The following COL4A6 variants were observed in gnomAD, a reference collection of about 807,000 sequenced individuals.
COL4A6 encodes collagen alpha-6(IV) chain.
In COL4A6, 59 loss-of-function variants were observed where a neutral mutation model predicts 126.7. The ratio of observed to expected loss-of-function variants is 0.47; its 90% confidence interval spans 0.38 to 0.58. COL4A6 has a LOEUF of 0.58. COL4A6 is among the 20% of genes least tolerant of loss of function. The pLI is 0.00. For missense variants in COL4A6, 1,285 were observed against 1,337.3 expected, an observed-to-expected ratio of 0.96 and a Z score of 0.61; for synonymous variants, 547 against 496.6, an observed-to-expected ratio of 1.10 and a Z score of -1.35.
intron 2 of COL4A6, among the ~76,000 whole-genome samples, chrX:108,368,237 C>T (rs2040248869): frequency 1.9e-4 from 1 of 5,222 alleles, no homozygotes; most frequent in South Asian, 0.25. Flanking sequence ...AGGCTACAAA[C>T]CCATATAGCA....
chrX:108,164,966 C>A lies in COL4A6; in HGVS notation c.3881G>T (p.Gly1294Val). 1 of 1,211,214 alleles carries A rather than the reference C, an allele frequency of 8.3e-7. No individual in the cohort carries two copies. Residue 1294 changes from glycine (G) to valine (V), a missense_variant, in exon 39 of 45, where the codon GGC becomes GTC. Gly to Val is a moderately radical substitution (Grantham distance 109). Transcript: ENST00000334504. ...SSNQGDTGDP[G>V]FPGIPGPKGP... Reference sequence around the variant, plus strand: ...TTTAGGTCCAGGAATTCCAGGGAAGCCAGGGTCTCCGGTGTCGCCTTGATT... The same window carrying A: ...TTTAGGTCCAGGAATTCCAGGGAAGACAGGGTCTCCGGTGTCGCCTTGATT...
At chrX:108,413,399 C>A (rs1477033306) in intron 2 of COL4A6, among the ~76,000 whole-genome samples, 2 of 111,956 alleles carry the variant, frequency 1.8e-5, no homozygotes, top group East Asian at 5.6e-4. Flanking sequence ...TCTTTAGGAT[C>A]CAAAAGGAAA....
At chrX:108,326,840 T>A (rs1031038976) in intron 2 of COL4A6, among the ~76,000 whole-genome samples, 3 of 112,196 alleles carry the variant, frequency 2.7e-5, no homozygotes, top group African/African-American at 9.7e-5. Context: ...GACTTTAAAA[T>A]TTCCAGTAGA....
chrX:108,157,101 C>T lies in COL4A6; in HGVS notation c.4972G>A (p.Glu1658Lys). 8.3e-7 allele frequency: 1 copy of T among 1,211,961 alleles called. No individual in the cohort carries two copies. Among genetic ancestry groups the T allele is most frequent in the Non-Finnish European group, 1.1e-6 (1 of 895,466 alleles). Residue 1658 changes from glutamate to lysine, a missense_variant, in exon 45 of 45, where the codon GAG becomes AAG. Coordinates refer to ENST00000334504, the MANE Select transcript of COL4A6 (RefSeq NM_033641.4). ...GGCAACTCCCCAAACTGCTGCCTCT[C>T]CTCCACTGTGGTCAACCAGAAACTG... Reference protein sequence around the residue: ...KYSFWLTTVEERQQFGELPVS... With the variant: ...KYSFWLTTVEKRQQFGELPVS...
At chrX:108,324,576 A>G (rs2039106800) in intron 2 of COL4A6, among the ~76,000 whole-genome samples, 2 of 111,829 alleles carry the variant, frequency 1.8e-5, no homozygotes, top group African/African-American at 6.5e-5. Flanking sequence ...AAAAACCACA[A>G]GTAACTTTTT....
intron 3 of COL4A6, among the ~76,000 whole-genome samples, chrX:108,233,819 C>T (rs145084319): frequency 0.034 from 3,838 of 111,917 alleles, 170 homozygotes; most frequent in African/African-American, 0.12. Flanking sequence ...TGACACAGCT[C>T]CCTTCCCTTG....
chrX:108,314,075 A>G (rs1444339773), intron 2 of COL4A6, among the ~76,000 whole-genome samples: 1 of 111,852 alleles, frequency 8.9e-6, no homozygotes. Flanking sequence ...ATAATTATAA[A>G]CAGTTTTCAT....
intron 3 of COL4A6, among the ~76,000 whole-genome samples, chrX:108,230,328 G>T (rs747502262): frequency 8.9e-6 from 1 of 111,804 alleles, no homozygotes; most frequent in South Asian, 3.8e-4. Context: ...ATGCACTGGG[G>T]AATCTTTGAG....
intron 2 of COL4A6, among the ~76,000 whole-genome samples, chrX:108,358,820 A>T (rs1180281368): frequency 8.9e-6 from 1 of 112,074 alleles, no homozygotes; most frequent in Non-Finnish European, 1.9e-5. Context: ...TTTTCTTTTG[A>T]ATTCTGTCTA....
chrX:108,160,671 A>T lies in COL4A6; in HGVS notation c.4334-17T>A. On this transcript the variant is annotated splice_polypyrimidine_tract_variant and intron_variant, in intron 42 of 44. Transcript: ENST00000334504. ...CTGGAGCTCCTGAGAGAGACAGATCATAAAAGGTGAGTGTGGTGCAGCTAA... is the reference window on the plus strand; with the variant it reads ...CTGGAGCTCCTGAGAGAGACAGATCTTAAAAGGTGAGTGTGGTGCAGCTAA... 1.7e-6 allele frequency: 2 copies of T among 1,183,108 alleles called. No homozygotes were observed. The highest frequency in any genetic ancestry group is 1.7e-5 in the African/African-American group (1 of 57,265).
At chrX:108,371,573 A>C (rs1296315521) in intron 2 of COL4A6, among the ~76,000 whole-genome samples, 4 of 95,360 alleles carry the variant, frequency 4.2e-5, no homozygotes, top group Non-Finnish European at 4.1e-5. Flanking sequence ...CTCTGTCTCT[A>C]TAAAAAAAAA....
At chrX:108,298,856 C>T (rs2038408451) in intron 3 of COL4A6, among the ~76,000 whole-genome samples, 1 of 110,488 alleles carries the variant, frequency 9.1e-6, no homozygotes, top group Admixed American at 9.5e-5. Context: ...GGCTTCTATT[C>T]TGCTCTCAGA....
chrX:108,391,567 G>A (rs996963183), intron 2 of COL4A6, among the ~76,000 whole-genome samples: 1 of 112,100 alleles, frequency 8.9e-6, no homozygotes, highest in Non-Finnish European at 1.9e-5. Flanking sequence ...TCAGACTGCT[G>A]TGCTAGCAGC....
At chrX:108,429,684 CAAAAAGA>C (rs2064145477) in intron 2 of COL4A6, among the ~76,000 whole-genome samples, 2 of 110,923 alleles carry the variant, frequency 1.8e-5, no homozygotes, top group African/African-American at 6.6e-5. Flanking sequence ...ATTGAACACT[CAAAAAGA>C]AAAAAGAAAA....
intron 13 of COL4A6, among the ~76,000 whole-genome samples, chrX:108,200,332 G>A (rs1284045157): frequency 8.9e-6 from 1 of 112,048 alleles, no homozygotes; most frequent in African/African-American, 3.2e-5. Flanking sequence ...TTCATACTAC[G>A]TTTTTGAGAT....
intron 2 of COL4A6, among the ~76,000 whole-genome samples, chrX:108,321,288 G>A (rs892976986): frequency 2.7e-5 from 3 of 111,488 alleles, no homozygotes; most frequent in Non-Finnish European, 3.8e-5. Context: ...TATCAGAGTG[G>A]GGATAAGAAA....
chrX:108,177,145 A>T (rs2034524579), intron 27 of COL4A6, 134 bp from the exon 28 acceptor site: 1 of 533,358 alleles, frequency 1.9e-6, no homozygotes. Flanking sequence ...ACAATAGCAC[A>T]TGCAAACTGC....
intron 3 of COL4A6, among the ~76,000 whole-genome samples, chrX:108,280,791 C>T (rs2147802713): frequency 9.0e-6 from 1 of 111,498 alleles, no homozygotes; most frequent in African/African-American, 3.3e-5. Context: ...AAAAGCTTAT[C>T]CACCATGATC....
At chrX:108,282,914 G>A (rs1320480203) in intron 3 of COL4A6, among the ~76,000 whole-genome samples, 3 of 102,351 alleles carry the variant, frequency 2.9e-5, no homozygotes, top group Admixed American at 1.1e-4. Flanking sequence ...ACCAAACACC[G>A]CATATTCTTA....
Sources: allele counts gnomAD v4.1 joint callset (sites outside exome capture counted in the v4.1 genomes callset), GRCh38; gene constraint gnomAD v4.1.1; transcripts MANE v1.5; gene names NCBI Gene and HGNC (gene_info 2026-07-23, HGNC 2026-07-21).